Variants in KCTD16 observed in about 807,000 individuals in gnomAD.
The protein encoded by KCTD16 is BTB/POZ domain-containing protein KCTD16.
KCTD16 carries 13 observed loss-of-function variants against 33.2 expected under a neutral mutation model. That is an observed-to-expected ratio of 0.39 (90% CI 0.25 to 0.62). KCTD16 has a LOEUF of 0.62. Among genes scored for constraint, KCTD16 ranks in the 20% least tolerant of loss-of-function variants. KCTD16 has a pLI of 0.50. For missense variants in KCTD16, 441 were observed against 525.1 expected (o/e 0.84, Z 1.57); for synonymous variants, 197 against 195.3 (o/e 1.01, Z -0.07).
rs1754787892 is a variant in KCTD16, at chr5:144,485,503, G to C, written c.*11389G>C. 6.6e-6 allele frequency: 1 copy of C among 151,836 alleles called. No individual in the cohort carries two copies. The highest frequency in any genetic ancestry group is 1.5e-5 in the Non-Finnish European group (1 of 67,874). 9.4% of individuals were successfully genotyped at this position (151,836 alleles called of 1,614,324 possible). A position where few individuals can be genotyped will look rare whatever the true frequency, so the allele number is the denominator to read the frequency against. ...GGTGCAGTATCAGTATTGTAAAATTGTATGGTGAAAACTACAAAAGTCATT... is the reference window on the plus strand; with the variant it reads ...GGTGCAGTATCAGTATTGTAAAATTCTATGGTGAAAACTACAAAAGTCATT... On this transcript the variant is annotated 3_prime_UTR_variant, in exon 4 of 4. Transcript: ENST00000512467.
Position 144,359,466 on chromosome 5 carries a change from G to A in KCTD16, c.833-114194G>A, listed in dbSNP as rs116529075. Among the ~76,000 whole-genome samples the A allele has an allele frequency of 5.8e-3, 882 of 152,084 alleles. 13 individuals carry two copies. Among genetic ancestry groups the A allele is most frequent in the African/African-American group, 0.021 (853 of 41,478 alleles). ...GTTTTGGGGATTTTTACATTGCACTGCCATTGCTTCTTATTATACTAATAA... is the reference window on the plus strand; with the variant it reads ...GTTTTGGGGATTTTTACATTGCACTACCATTGCTTCTTATTATACTAATAA... On this transcript the variant is annotated intron_variant, in intron 3 of 3. Coordinates refer to ENST00000512467, the MANE Select transcript of KCTD16 (RefSeq NM_020768.4).
intron 3 of KCTD16, among the ~76,000 whole-genome samples, chr5:144,306,868 G>GGGAAC (rs1451087067): frequency 5.9e-5 from 9 of 152,286 alleles, no homozygotes; most frequent in Non-Finnish European, 1.0e-4. Context: ...CTTCGTTGCT[G>GGGAAC]TACTGTGGGA....
At chr5:144,267,317 G>T (rs1292221294) in intron 3 of KCTD16, among the ~76,000 whole-genome samples, 1 of 152,118 alleles carries the variant, frequency 6.6e-6, no homozygotes, top group Admixed American at 6.5e-5. Flanking sequence ...ATTAACTGTG[G>T]ATAATGATTG....
In KCTD16 at chr5:144,379,747, AG is replaced by A. The variant is rs574946546; in HGVS notation, c.833-93912del. 2.0e-5 allele frequency among the ~76,000 whole-genome samples: 3 copies of A among 152,102 alleles called. No individual in the cohort carries two copies. In the South Asian group the frequency reaches 6.2e-4, roughly 31 times the overall value. On this transcript the variant is annotated intron_variant, in intron 3 of 3. Transcript: ENST00000512467. ...AGATCATCCATGCCTTTTTCTTTTT[AG>A]TTGGCATTTGATGTTGAGAATTTTA...
intron 3 of KCTD16, among the ~76,000 whole-genome samples, chr5:144,336,804 G>T (rs909383725): frequency 2.9e-4 from 44 of 151,958 alleles, no homozygotes; most frequent in African/African-American, 1.0e-3. Flanking sequence ...TGCTTACTCT[G>T]ATACACACAT....
At chr5:144,368,901 G>T (rs1423444033) in intron 3 of KCTD16, among the ~76,000 whole-genome samples, 1 of 152,142 alleles carries the variant, frequency 6.6e-6, no homozygotes, top group African/African-American at 2.4e-5. Context: ...CAAAATAATA[G>T]AGTTTAGTAA....
intron 3 of KCTD16, among the ~76,000 whole-genome samples, chr5:144,267,555 C>A (rs1381781662): frequency 1.3e-5 from 2 of 152,016 alleles, no homozygotes; most frequent in African/African-American, 4.8e-5. Context: ...GAGTTTATAC[C>A]CCCAAACTGT....
intron 3 of KCTD16, among the ~76,000 whole-genome samples, chr5:144,313,591 T>G (rs1453597902): frequency 6.6e-6 from 1 of 152,192 alleles, no homozygotes; most frequent in Non-Finnish European, 1.5e-5. Context: ...ACGATGCTTT[T>G]TCTTTAATTT....
At chr5:144,263,624 A>G (rs552119900) in intron 3 of KCTD16, among the ~76,000 whole-genome samples, 95 of 152,328 alleles carry the variant, frequency 6.2e-4, no homozygotes, top group African/African-American at 2.2e-3. Context: ...TTAGAAGATT[A>G]AAAAAATGAT....
chr5:144,370,859 C>A (rs1751951431), intron 3 of KCTD16, among the ~76,000 whole-genome samples: 1 of 152,024 alleles, frequency 6.6e-6, no homozygotes, highest in East Asian at 1.9e-4. Flanking sequence ...ATAGGGGATT[C>A]CATTACTCCA....
At chr5:144,417,613 T>C (rs984524287) in intron 3 of KCTD16, among the ~76,000 whole-genome samples, 2 of 152,204 alleles carry the variant, frequency 1.3e-5, no homozygotes, top group Non-Finnish European at 2.9e-5. Flanking sequence ...AAATTTTTGA[T>C]GAGATACAAT....
chr5:144,425,263 C>T (rs1753299916), intron 3 of KCTD16, among the ~76,000 whole-genome samples: 1 of 152,048 alleles, frequency 6.6e-6, no homozygotes, highest in Non-Finnish European at 1.5e-5. Context: ...AAATCTAAAG[C>T]TAGAGAATAA....
At chr5:144,425,833 C>T (rs1561603866) in intron 3 of KCTD16, among the ~76,000 whole-genome samples, 1 of 152,006 alleles carries the variant, frequency 6.6e-6, no homozygotes, top group Non-Finnish European at 1.5e-5. Flanking sequence ...GAGCTCTGGA[C>T]CTGTTATGTG....
At position 144,485,349 on chromosome 5, in the gene KCTD16, CCATCTATTCT is replaced by C. The variant is rs1219728146; in HGVS notation, c.*11238_*11247del. 1 of 151,858 alleles carries C rather than the reference CCATCTATTCT, an allele frequency of 6.6e-6. No individual in the cohort carries two copies. Among genetic ancestry groups the C allele is most frequent in the Non-Finnish European group, 1.5e-5 (1 of 67,890 alleles). 9.4% of individuals were successfully genotyped at this position (151,858 alleles called of 1,614,324 possible). ...GCAATATCTACACTGCGAATTACTA[CCATCTATTCT>C]CACTGCCAATGGAAACAAACTACTC... On this transcript the variant is annotated 3_prime_UTR_variant, in exon 4 of 4. Transcript: ENST00000512467.
chr5:144,418,079 T>C (rs891412113), intron 3 of KCTD16, among the ~76,000 whole-genome samples: 2 of 152,092 alleles, frequency 1.3e-5, no homozygotes, highest in African/African-American at 4.8e-5. Context: ...CTCTTAAAGG[T>C]GGTGTCTGGA....
At chr5:144,181,437 A>G (rs2126773880) in intron 2 of KCTD16, among the ~76,000 whole-genome samples, 1 of 152,342 alleles carries the variant, frequency 6.6e-6, no homozygotes, top group East Asian at 1.9e-4. Flanking sequence ...GCCAAAGGAT[A>G]TCAAATCAGC....
chr5:144,369,073 C>T (rs1751903614), intron 3 of KCTD16, among the ~76,000 whole-genome samples: 3 of 152,138 alleles, frequency 2.0e-5, no homozygotes, highest in African/African-American at 7.2e-5. Context: ...TTCATCTTAT[C>T]TCCTTTCTGC....
chr5:144,324,095 G>A (rs1036323987), intron 3 of KCTD16, among the ~76,000 whole-genome samples: 17 of 152,042 alleles, frequency 1.1e-4, no homozygotes, highest in Non-Finnish European at 2.4e-4. Context: ...TCTTCCCATT[G>A]CTTGAAATGT....
chr5:144,338,368 G>T (rs1456494055), intron 3 of KCTD16, among the ~76,000 whole-genome samples: 1 of 152,136 alleles, frequency 6.6e-6, no homozygotes, highest in Non-Finnish European at 1.5e-5. Context: ...CTCCACCTTG[G>T]GCTGGTTGTG....
Sources: allele counts gnomAD v4.1 joint callset (sites outside exome capture counted in the v4.1 genomes callset), GRCh38; gene constraint gnomAD v4.1.1; transcripts MANE v1.5; gene names NCBI Gene and HGNC (gene_info 2026-07-23, HGNC 2026-07-21).